The following KCNG3 variants were observed in gnomAD, a reference collection of about 807,000 sequenced individuals.
The protein encoded by KCNG3 is potassium voltage-gated channel modifier subfamily G member 3, also known as voltage-gated potassium channel regulatory subunit KCNG3.
A neutral mutation model predicts 29.0 loss-of-function variants in KCNG3; 15 were observed. That is an observed-to-expected ratio of 0.52 (90% CI 0.35 to 0.80). The LOEUF (loss-of-function observed/expected upper bound fraction) is 0.80. Among genes scored for constraint, KCNG3 ranks in the 30% least tolerant of loss-of-function variants. KCNG3 has a pLI of 0.01. For synonymous variants in KCNG3, 322 were observed against 248.9 expected, an observed-to-expected ratio of 1.29 and a Z score of -2.76; for missense variants, 512 against 605.7, an observed-to-expected ratio of 0.85 and a Z score of 1.62.
rs559866799 is a variant in KCNG3, at chr2:42,470,417, C to A, written c.665+22420G>T. The stretch of plus-strand genomic sequence containing the variant: ...TCAGGCATTGTAGCTCACGCCTGTA[C>A]TCCAGACACTTCGAGGTCCGTACAG... On this transcript the variant is annotated intron_variant, in intron 1 of 1. Transcript: ENST00000306078. Among the ~76,000 whole-genome samples, 4 of 152,310 alleles carry A rather than the reference C, an allele frequency of 2.6e-5. No homozygotes were observed. The South Asian group carries it at 8.3e-4, about 32-fold the overall frequency.
At chr2:42,457,755 G>A (rs1672915750) in intron 1 of KCNG3, among the ~76,000 whole-genome samples, 1 of 151,136 alleles carries the variant, frequency 6.6e-6, no homozygotes, top group African/African-American at 2.4e-5. Flanking sequence ...GTTCGAGGCT[G>A]CAGTGAGCTA....
intron 1 of KCNG3, among the ~76,000 whole-genome samples, chr2:42,460,135 G>A (rs1185882100): frequency 1.3e-5 from 2 of 152,068 alleles, no homozygotes; most frequent in Non-Finnish European, 2.9e-5. Flanking sequence ...AGGTTGAGGT[G>A]GGAGGACTTC....
chr2:42,477,972 ATGAG>A (rs1056965788), intron 1 of KCNG3, among the ~76,000 whole-genome samples: 2 of 152,002 alleles, frequency 1.3e-5, no homozygotes, highest in African/African-American at 4.8e-5. Context: ...AAGGTTCTGG[ATGAG>A]TGAGAGGAGT....
At chr2:42,439,364 T>C (rs1363890874), downstream of KCNG3, among the ~76,000 whole-genome samples, 1 of 151,826 alleles carries the variant, frequency 6.6e-6, no homozygotes, top group African/African-American at 2.4e-5. Context: ...CAGGTTTAAG[T>C]AATTCTCATG....
the KCNG3 span, among the ~76,000 whole-genome samples, chr2:42,406,769 G>GT: frequency 6.7e-6 from 1 of 150,096 alleles, no homozygotes; most frequent in Non-Finnish European, 1.5e-5. Context: ...AGAGGTGGCA[G>GT]TGAGCTGAGA....
intron 1 of KCNG3, among the ~76,000 whole-genome samples, chr2:42,460,990 T>C (rs1368455723): frequency 6.6e-6 from 1 of 151,590 alleles, no homozygotes; most frequent in African/African-American, 2.4e-5. Flanking sequence ...TGAAACCCCG[T>C]CTCTACTAAA....
At chr2:42,433,901 AC>A in the KCNG3 span, among the ~76,000 whole-genome samples, 1 of 152,344 alleles carries the variant, frequency 6.6e-6, no homozygotes, top group East Asian at 1.9e-4. Context: ...GACTGCAGTA[AC>A]AAAAATAAAC....
the KCNG3 span, among the ~76,000 whole-genome samples, chr2:42,420,148 C>T: frequency 5.9e-5 from 9 of 152,200 alleles, no homozygotes; most frequent in South Asian, 1.5e-3. Context: ...CGCTTGAACC[C>T]GGGAAGCAGA....
In KCNG3 at chr2:42,463,212, A is replaced by G. The variant is rs116537291; in HGVS notation, c.666-18633T>C. On this transcript the variant is annotated intron_variant, in intron 1 of 1. Coordinates refer to ENST00000306078, the MANE Select transcript of KCNG3 (RefSeq NM_133329.6). ...GTTCTTGCCATCCAGCTGAGCTGAC[A>G]GCATCAGCTTGATACTTGGCTTTAC... The G allele has an allele frequency of 4.8e-3, 1,652 of 344,416 alleles. 25 individuals carry two copies. The highest frequency in any genetic ancestry group is 0.033 in the African/African-American group (1,536 of 45,898). 21.3% of individuals were successfully genotyped at this position (344,416 alleles called of 1,614,324 possible). A position where few individuals can be genotyped will look rare whatever the true frequency, so the allele number is the denominator to read the frequency against.
intron 1 of KCNG3, among the ~76,000 whole-genome samples, chr2:42,460,036 T>C (rs1054578126): frequency 7.9e-5 from 12 of 151,446 alleles, no homozygotes; most frequent in African/African-American, 2.7e-4. Context: ...AAAACAGAAC[T>C]CTCTGTGCTG....
chr2:42,492,082 T>C (rs909572930), intron 1 of KCNG3, among the ~76,000 whole-genome samples: 1 of 152,156 alleles, frequency 6.6e-6, no homozygotes, highest in Non-Finnish European at 1.5e-5. Context: ...TTCATCCTAG[T>C]AAAGTAGAAA....
At chr2:42,461,657 T>C (rs1496329) in intron 1 of KCNG3, among the ~76,000 whole-genome samples, 130,084 of 152,100 alleles carry the variant, frequency 0.86, 55,630 homozygotes, top group Middle Eastern at 0.95. Context: ...ACAATCCCTT[T>C]CTGCACCTTC....
At chr2:42,433,024 G>GA in the KCNG3 span, among the ~76,000 whole-genome samples, 1 of 151,220 alleles carries the variant, frequency 6.6e-6, no homozygotes, top group Non-Finnish European at 1.5e-5. Context: ...GGAATCTATG[G>GA]AAAAACCCAC....
chr2:42,405,754 C>A, the KCNG3 span, among the ~76,000 whole-genome samples: 1 of 151,912 alleles, frequency 6.6e-6, no homozygotes, highest in East Asian at 1.9e-4. Flanking sequence ...ACTACAGGCA[C>A]CCGTCACCAA....
the KCNG3 span, among the ~76,000 whole-genome samples, chr2:42,426,815 C>T: frequency 1.3e-5 from 2 of 152,138 alleles, no homozygotes; most frequent in Non-Finnish European, 2.9e-5. Context: ...GCAATTTGAC[C>T]ATAAACTGTT....
chr2:42,475,089 G>T (rs1673389840), intron 1 of KCNG3, among the ~76,000 whole-genome samples: 1 of 152,162 alleles, frequency 6.6e-6, no homozygotes, highest in South Asian at 2.1e-4. Context: ...AGGACCTACT[G>T]TAATATATTT....
chr2:42,426,291 T>C, the KCNG3 span, among the ~76,000 whole-genome samples: 1 of 152,224 alleles, frequency 6.6e-6, no homozygotes, highest in Admixed American at 6.5e-5. Flanking sequence ...ATTTGAAATA[T>C]TTTTATTAGA....
chr2:42,403,761 G>A, the KCNG3 span, among the ~76,000 whole-genome samples: 1 of 151,054 alleles, frequency 6.6e-6, no homozygotes, highest in Non-Finnish European at 1.5e-5. Context: ...CACCGTGCCT[G>A]GCCTAATTTT....
At chr2:42,470,751 C>T (rs1009413845) in intron 1 of KCNG3, among the ~76,000 whole-genome samples, 7 of 151,750 alleles carry the variant, frequency 4.6e-5, no homozygotes, top group African/African-American at 1.5e-4. Flanking sequence ...TGGCATATGT[C>T]TGTAGTCCCA....
Sources: allele counts gnomAD v4.1 joint callset (sites outside exome capture counted in the v4.1 genomes callset), GRCh38; gene constraint gnomAD v4.1.1; transcripts MANE v1.5; gene names NCBI Gene and HGNC (gene_info 2026-07-23, HGNC 2026-07-21).